Variants in EXOC6 observed in about 807,000 individuals in gnomAD.
The protein encoded by EXOC6 is exocyst complex component 6.
EXOC6 carries 60 observed loss-of-function variants against 112.5 expected under a neutral mutation model. That is an observed-to-expected ratio of 0.53 (90% confidence interval 0.43 to 0.66). The LOEUF (loss-of-function observed/expected upper bound fraction) is 0.66. EXOC6 is among the 30% of genes least tolerant of loss of function. The pLI is 0.00. For synonymous variants in EXOC6, 295 were observed against 308.0 expected (o/e 0.96, Z 0.44); for missense variants, 855 against 957.1 (o/e 0.89, Z 1.41).
intron 12 of EXOC6, among the ~76,000 whole-genome samples, chr10:92,938,429 A>G (rs2133966844): frequency 6.6e-6 from 1 of 152,238 alleles, no homozygotes; most frequent in African/African-American, 2.4e-5. Context: ...AGAACTGGTA[A>G]GTGTCTTTTC....
At chr10:92,984,820 A>C (rs1842942274) in intron 18 of EXOC6, among the ~76,000 whole-genome samples, 1 of 152,066 alleles carries the variant, frequency 6.6e-6, no homozygotes, top group Admixed American at 6.6e-5. Context: ...CAATGTGGCG[A>C]AACCCTGTCT....
At chr10:93,043,405 C>T (rs947912151) in intron 20 of EXOC6, among the ~76,000 whole-genome samples, 12 of 152,138 alleles carry the variant, frequency 7.9e-5, no homozygotes, top group Admixed American at 7.9e-4. Flanking sequence ...TTAAAGAATA[C>T]TTCCAGTTTT....
chr10:92,930,185 G>T (rs927596980), intron 9 of EXOC6, among the ~76,000 whole-genome samples: 2 of 152,028 alleles, frequency 1.3e-5, no homozygotes, highest in African/African-American at 4.8e-5. Context: ...TCATATTCTG[G>T]GCCATGAAAC....
chr10:92,887,478 A>G (rs974299658), intron 1 of EXOC6, among the ~76,000 whole-genome samples: 5 of 144,416 alleles, frequency 3.5e-5, no homozygotes, highest in East Asian at 2.0e-4. Context: ...GCTCACTGCA[A>G]CCTCTGCCTC....
At chr10:92,931,115 G>GAAA (rs60087746) in intron 9 of EXOC6, among the ~76,000 whole-genome samples, 1,368 of 70,050 alleles carry the variant, frequency 0.02, no homozygotes, top group East Asian at 0.029. Context: ...CATCTCAGAA[G>GAAA]AAAAAAAAAA....
At chr10:93,032,457 C>T (rs1845316797) in intron 20 of EXOC6, among the ~76,000 whole-genome samples, 1 of 152,164 alleles carries the variant, frequency 6.6e-6, no homozygotes, top group Non-Finnish European at 1.5e-5. Context: ...TTTGTATGTG[C>T]ATTTTTCTGA....
intron 12 of EXOC6, among the ~76,000 whole-genome samples, chr10:92,940,409 T>G (rs1444040858): frequency 6.6e-6 from 1 of 152,116 alleles, no homozygotes; most frequent in Non-Finnish European, 1.5e-5. Flanking sequence ...CAAGACACTG[T>G]TATGTAAAAA....
chr10:92,904,131 T>G (rs1358505788), intron 5 of EXOC6, among the ~76,000 whole-genome samples: 1 of 152,138 alleles, frequency 6.6e-6, no homozygotes, highest in Non-Finnish European at 1.5e-5. Flanking sequence ...CTTTTGTGAC[T>G]TGATAACTTA....
chr10:92,961,535 C>T (rs551282649), intron 17 of EXOC6, among the ~76,000 whole-genome samples: 1 of 152,040 alleles, frequency 6.6e-6, no homozygotes, highest in African/African-American at 2.4e-5. Flanking sequence ...AATTGTAGGT[C>T]CCTTCGTAAA....
At chr10:92,845,210 T>C (rs1847003601), upstream of EXOC6, among the ~76,000 whole-genome samples, 2 of 152,312 alleles carry the variant, frequency 1.3e-5, no homozygotes, top group South Asian at 4.1e-4. Context: ...GCAATCTGCC[T>C]GTCTGTGCCC....
At chr10:92,831,338 A>G (rs2133561591), upstream of EXOC6, 1 of 1,288,958 alleles carries the variant, frequency 7.8e-7, no homozygotes, top group East Asian at 5.5e-5. Flanking sequence ...GTGTAGGAGG[A>G]GCGGGGTCAT....
At chr10:92,969,236 G>A (rs1387539935) in intron 17 of EXOC6, among the ~76,000 whole-genome samples, 1 of 152,108 alleles carries the variant, frequency 6.6e-6, no homozygotes, top group Non-Finnish European at 1.5e-5. Flanking sequence ...TTAGTGCTTT[G>A]AGGAAACACT....
rs567111551 is a variant in EXOC6 at position 92,848,706 on chromosome 10, C to T, written c.101+72C>T. The T allele has an allele frequency of 3.3e-5, 38 of 1,153,162 alleles. No homozygotes were observed. In the African/African-American group the frequency reaches 5.7e-4, roughly 17 times the overall value. 71.4% of individuals were successfully genotyped at this position (1,153,162 alleles called of 1,614,324 possible). A position where few individuals can be genotyped will look rare whatever the true frequency, so the allele number is the denominator to read the frequency against. On this transcript the variant is annotated intron_variant, in intron 1 of 21. Coordinates refer to ENST00000260762, the MANE Select transcript of EXOC6 (RefSeq NM_019053.6). ...GCCGCTCCTCACGAGCCGGGCGGGG[C>T]GTCCGCCGCCGGCCGCGCGCGAAGC...
chr10:92,927,609 T>C (rs781352981), intron 8 of EXOC6, among the ~76,000 whole-genome samples: 3 of 152,206 alleles, frequency 2.0e-5, no homozygotes, highest in Non-Finnish European at 2.9e-5. Flanking sequence ...TGGGCTACCA[T>C]TTTAGACAGC....
At chr10:92,893,208 A>G (rs898289562) in intron 1 of EXOC6, 141 bp from the exon 2 acceptor site, 2 of 569,574 alleles carry the variant, frequency 3.5e-6, no homozygotes, top group African/African-American at 3.7e-5. Flanking sequence ...AAATACTTTC[A>G]CGCAAATTAT....
In EXOC6 at chr10:92,915,769, G is replaced by GA; in HGVS notation, c.679dup (p.Thr227AsnfsTer11). The GA allele has an allele frequency of 6.6e-7, 1 of 1,525,686 alleles. No homozygotes were observed. The highest frequency in any genetic ancestry group is 2.6e-5 in the Admixed American group (1 of 39,122). 94.5% of individuals were successfully genotyped at this position (1,525,686 alleles called of 1,614,324 possible). ...TCTCTTCAAAATAGGCACAGCATCA[G>GA]AAAACCTTCAGTGTTTCTCTGCAGA... On this transcript the variant is annotated frameshift_variant, in exon 7 of 22. Coordinates refer to ENST00000260762, the MANE Select transcript of EXOC6 (RefSeq NM_019053.6). LOFTEE classifies it high-confidence loss of function.
intron 5 of EXOC6, among the ~76,000 whole-genome samples, chr10:92,904,863 AT>A (rs1251596964): frequency 1.3e-5 from 2 of 152,034 alleles, no homozygotes; most frequent in Non-Finnish European, 2.9e-5. Context: ...CTAAAAACTA[AT>A]TGCCAAACCC....
chr10:92,919,856 G>C, intron 7 of EXOC6, 126 bp from the exon 8 acceptor site: 1 of 554,376 alleles, frequency 1.8e-6, no homozygotes, highest in Non-Finnish European at 3.1e-6. Flanking sequence ...TGCTTTCTAT[G>C]GGGGAATTGA....
chr10:92,835,658 A>G (rs1445461117), intron 1 of EXOC6, among the ~76,000 whole-genome samples: 2 of 152,142 alleles, frequency 1.3e-5, no homozygotes. Flanking sequence ...GAGCTTCTAA[A>G]TCCACTAAAG....
Sources: gnomAD v4.1 joint callset for allele counts (sites outside exome capture counted in the v4.1 genomes callset) on GRCh38, gnomAD v4.1.1 for gene constraint, MANE v1.5 for transcripts, NCBI Gene and HGNC (gene_info 2026-07-23, HGNC 2026-07-21) for gene names.